The following RNLS variants were observed in gnomAD, a reference collection of about 807,000 sequenced individuals.
The protein encoded by RNLS is renalase, FAD dependent amine oxidase, also known as renalase.
A neutral mutation model predicts 39.8 loss-of-function variants in RNLS; 39 were observed. That is an observed-to-expected ratio of 0.98 (90% CI 0.76 to 1.28). The LOEUF (loss-of-function observed/expected upper bound fraction) is 1.28. Ranked by LOEUF, RNLS falls within the 50% of genes most tolerant of loss-of-function variation. The pLI, the probability that RNLS is intolerant of heterozygous loss-of-function variation, is 0.00. For synonymous variants in RNLS, 147 were observed against 150.7 expected, an observed-to-expected ratio of 0.98 and a Z score of 0.18; for missense variants, 410 against 413.3, an observed-to-expected ratio of 0.99 and a Z score of 0.07.
At chr10:88,315,616 G>A (rs1245298104) in intron 5 of RNLS, among the ~76,000 whole-genome samples, 1 of 152,078 alleles carries the variant, frequency 6.6e-6, no homozygotes, top group East Asian at 1.9e-4. Context: ...TCTTTAACTT[G>A]GGATTGTAAA....
chr10:88,352,073 TG>T (rs1465006293), intron 5 of RNLS, among the ~76,000 whole-genome samples: 2 of 152,244 alleles, frequency 1.3e-5, no homozygotes, highest in Admixed American at 1.3e-4. Context: ...TTGCTGAAGT[TG>T]CTTATCAGCT....
At chr10:88,360,465 TGCACTGTCACCCAGGCTG>T (rs1213343433) in intron 5 of RNLS, among the ~76,000 whole-genome samples, 1 of 152,144 alleles carries the variant, frequency 6.6e-6, no homozygotes, top group African/African-American at 2.4e-5. Flanking sequence ...GATGGAGTCT[TGCACTGTCACCCAGGCTG>T]GTGTGCAGTG....
intron 4 of RNLS, among the ~76,000 whole-genome samples, chr10:88,542,489 C>T (rs1473716070): frequency 6.6e-6 from 1 of 152,172 alleles, no homozygotes; most frequent in Non-Finnish European, 1.5e-5. Context: ...CAATGGGCAG[C>T]CATACTTGGT....
At chr10:88,253,613 C>T in the RNLS span, among the ~76,000 whole-genome samples, 3 of 152,154 alleles carry the variant, frequency 2.0e-5, no homozygotes, top group Non-Finnish European at 4.4e-5. Flanking sequence ...CTTTTTATTA[C>T]CAAAGGAGTT....
intron 4 of RNLS, among the ~76,000 whole-genome samples, chr10:88,494,062 G>A (rs887603226): frequency 2.0e-5 from 3 of 151,902 alleles, no homozygotes; most frequent in Non-Finnish European, 2.9e-5. Context: ...ACAAAAATAA[G>A]GTAATAAAAA....
chr10:88,517,887 AAAAT>A (rs1397038086), intron 4 of RNLS, among the ~76,000 whole-genome samples: 1 of 151,974 alleles, frequency 6.6e-6, no homozygotes, highest in African/African-American at 2.4e-5. Flanking sequence ...CAATGGGAAA[AAAAT>A]AAATAGATTA....
At chr10:88,248,696 T>C in the RNLS span, among the ~76,000 whole-genome samples, 3 of 152,202 alleles carry the variant, frequency 2.0e-5, no homozygotes, top group African/African-American at 7.2e-5. Context: ...TCCATATTGA[T>C]TGATAGTACC....
intron 6 of RNLS, among the ~76,000 whole-genome samples, chr10:88,299,549 C>T (rs780468663): frequency 5.9e-5 from 9 of 152,180 alleles, no homozygotes; most frequent in Non-Finnish European, 1.0e-4. Flanking sequence ...TGCTTGACCC[C>T]GTGAGGTGGA....
chr10:88,398,477 C>T (rs1413000333), intron 4 of RNLS, among the ~76,000 whole-genome samples: 1 of 151,990 alleles, frequency 6.6e-6, no homozygotes, highest in Non-Finnish European at 1.5e-5. Context: ...AAGAAATCCT[C>T]ATGGGCTGGT....
chr10:88,313,032 T>C (rs1445971414), intron 6 of RNLS, among the ~76,000 whole-genome samples: 1 of 152,214 alleles, frequency 6.6e-6, no homozygotes, highest in Non-Finnish European at 1.5e-5. Flanking sequence ...TATAGTGAGA[T>C]AATTTCAACA....
intron 4 of RNLS, among the ~76,000 whole-genome samples, chr10:88,535,682 G>T (rs1436387040): frequency 6.6e-6 from 1 of 152,124 alleles, no homozygotes; most frequent in Non-Finnish European, 1.5e-5. Flanking sequence ...TGAAGTTTGG[G>T]TCAGGGGAAA....
intron 5 of RNLS, among the ~76,000 whole-genome samples, chr10:88,360,535 A>G (rs1205370918): frequency 2.6e-5 from 4 of 152,080 alleles, no homozygotes; most frequent in Non-Finnish European, 5.9e-5. Flanking sequence ...CCTGGGTTCA[A>G]GAGTGATTCT....
At chr10:88,225,930 T>A in the RNLS span, among the ~76,000 whole-genome samples, 377 of 152,240 alleles carry the variant, frequency 2.5e-3, 1 homozygote, top group African/African-American at 8.7e-3. Context: ...TTTTTTCATC[T>A]CACTAAGAAC....
At chr10:88,506,599 T>C (rs906381134) in intron 4 of RNLS, among the ~76,000 whole-genome samples, 1 of 151,638 alleles carries the variant, frequency 6.6e-6, no homozygotes, top group Non-Finnish European at 1.5e-5. Flanking sequence ...TTTATATCTA[T>C]ATATAAGAAG....
At chr10:88,479,495 C>T (rs1285884478) in intron 4 of RNLS, among the ~76,000 whole-genome samples, 1 of 152,104 alleles carries the variant, frequency 6.6e-6, no homozygotes, top group Non-Finnish European at 1.5e-5. Context: ...TTAAATAAGA[C>T]AACCCATGTA....
exon 7 of RNLS, chr10:88,274,268 G>A (rs1452829658): frequency 6.6e-6 from 1 of 152,060 alleles, no homozygotes; most frequent in Non-Finnish European, 1.5e-5. Context: ...TCACACTGTT[G>A]AGCACCCATA....
At chr10:88,214,978 C>T in the RNLS span, among the ~76,000 whole-genome samples, 2 of 152,076 alleles carry the variant, frequency 1.3e-5, no homozygotes, top group Non-Finnish European at 2.9e-5. Context: ...CCAAAACATC[C>T]TTCTTTCTTC....
intron 4 of RNLS, among the ~76,000 whole-genome samples, chr10:88,553,692 C>T (rs1327202657): frequency 1.3e-5 from 2 of 152,078 alleles, no homozygotes; most frequent in Admixed American, 6.6e-5. Context: ...TTATGAATTT[C>T]GTAACATTCC....
At chr10:88,571,955 C>T (rs1252204301) in intron 4 of RNLS, among the ~76,000 whole-genome samples, 2 of 152,190 alleles carry the variant, frequency 1.3e-5, no homozygotes, top group Non-Finnish European at 2.9e-5. Flanking sequence ...CCCACCTGCA[C>T]TGAGTTACAT....
Sources: allele counts gnomAD v4.1 joint callset (sites outside exome capture counted in the v4.1 genomes callset), GRCh38; gene constraint gnomAD v4.1.1; transcripts MANE v1.5; gene names NCBI Gene and HGNC (gene_info 2026-07-23, HGNC 2026-07-21).